KIFAP3: variants seen among roughly 807,000 people sequenced by gnomAD.
KIFAP3 encodes kinesin associated protein 3.
A neutral mutation model predicts 106.5 loss-of-function variants in KIFAP3; 68 were observed. The observed-to-expected ratio is 0.64, with a 90% CI of 0.53 to 0.78. The LOEUF (loss-of-function observed/expected upper bound fraction) is 0.78, where lower values mean the gene tolerates loss of function less well. Among genes scored for constraint, KIFAP3 ranks in the 30% least tolerant of loss-of-function variants. KIFAP3 has a pLI of 0.00. For missense variants in KIFAP3, 780 were observed against 941.8 expected, an observed-to-expected ratio of 0.83 and a Z score of 2.25; for synonymous variants, 320 against 311.5, an observed-to-expected ratio of 1.03 and a Z score of -0.29.
intron 1 of KIFAP3, among the ~76,000 whole-genome samples, chr1:170,066,987 T>C (rs891667902): frequency 1.3e-5 from 2 of 152,104 alleles, no homozygotes; most frequent in African/African-American, 4.8e-5. Flanking sequence ...CAAAGAATAG[T>C]CATCTTCAGA....
intron 19 of KIFAP3, among the ~76,000 whole-genome samples, chr1:169,931,397 A>G (rs966280188): frequency 2.0e-5 from 3 of 152,208 alleles, no homozygotes; most frequent in African/African-American, 7.2e-5. Flanking sequence ...TCTAATAGGT[A>G]CCTAATGGAA....
In KIFAP3 at chr1:170,055,411, C is replaced by T. The variant is rs746682678; in HGVS notation, c.58G>A (p.Val20Ile). 2.5e-6 allele frequency: 4 copies of T among 1,599,660 alleles called. No individual in the cohort carries two copies. The highest frequency in any genetic ancestry group is 3.4e-6 in the Non-Finnish European group (4 of 1,172,378). Residue 20 changes from valine (V) to isoleucine (I), a missense_variant, in exon 2 of 20, where the codon GTA (valine) becomes ATA (isoleucine). Transcript: ENST00000361580. ...ATGAGTGCTTTTTCTGATGGATGTA[C>T]ATCTATATTCCCTCCTTTAACTTTC... is the stretch of plus-strand genomic sequence containing the variant. ...KRKVKGGNID[V>I]HPSEKALIVH...
intron 8 of KIFAP3, among the ~76,000 whole-genome samples, chr1:170,024,971 C>T (rs10919283): frequency 0.96 from 146,552 of 152,170 alleles, 70,811 homozygotes; most frequent in East Asian, 1. Flanking sequence ...ATAGTTTTTA[C>T]ACATATAGAA....
At chr1:170,084,290 T>C (rs1672068400) in intron 1 of KIFAP3, among the ~76,000 whole-genome samples, 1 of 152,362 alleles carries the variant, frequency 6.6e-6, no homozygotes, top group African/African-American at 2.4e-5. Context: ...CTGTACTTTA[T>C]GTGCATTATT....
rs767240405 is a variant in KIFAP3, at chr1:170,046,717, C to T, written c.314G>A (p.Gly105Glu). ...YLQNRRDSLS[G>E]KEKKEKSSKP... ...CCAGGAATTCTACTACTTACCTTTT[C>T]CTGACAATGAATCACGGCGGTTCTG... is the stretch of plus-strand genomic sequence containing the variant. The change falls in exon 3 of 20, where the codon GGA becomes GAA. Residue 105 changes from glycine to glutamate, a missense_variant. Coordinates refer to ENST00000361580, the MANE Select transcript of KIFAP3 (RefSeq NM_014970.4). 1 of 1,538,762 alleles carries T rather than the reference C, an allele frequency of 6.5e-7. No individual in the cohort carries two copies. The highest frequency in any genetic ancestry group is 1.9e-5 in the Admixed American group (1 of 52,262).
chr1:170,020,723 A>T (rs1668768943), intron 9 of KIFAP3, among the ~76,000 whole-genome samples: 1 of 151,968 alleles, frequency 6.6e-6, no homozygotes, highest in South Asian at 2.1e-4. Context: ...GTGCAAAGGC[A>T]ATTTCAATAA....
chr1:169,930,406 TG>T (rs1250956328), intron 19 of KIFAP3, among the ~76,000 whole-genome samples: 3 of 152,210 alleles, frequency 2.0e-5, no homozygotes, highest in African/African-American at 7.2e-5. Context: ...TCTTTCATGA[TG>T]GTCCTTTTTA....
At chr1:169,943,837 G>A (rs1395611666) in intron 19 of KIFAP3, among the ~76,000 whole-genome samples, 1 of 152,038 alleles carries the variant, frequency 6.6e-6, no homozygotes, top group Non-Finnish European at 1.5e-5. Flanking sequence ...TAATTAACTT[G>A]CCAGACACAA....
intron 1 of KIFAP3, among the ~76,000 whole-genome samples, chr1:170,071,698 C>T (rs1671711392): frequency 6.6e-6 from 1 of 152,188 alleles, no homozygotes; most frequent in Admixed American, 6.5e-5. Flanking sequence ...CCAGCAAGAA[C>T]AGCACCAAGC....
At chr1:170,082,513 G>GTAT (rs1209791443) in intron 1 of KIFAP3, among the ~76,000 whole-genome samples, 1 of 152,066 alleles carries the variant, frequency 6.6e-6, no homozygotes, top group Non-Finnish European at 1.5e-5. Context: ...TCATCAAGCT[G>GTAT]TATACTTGCA....
intron 15 of KIFAP3, among the ~76,000 whole-genome samples, chr1:169,980,161 G>A (rs1386085053): frequency 6.6e-6 from 1 of 152,052 alleles, no homozygotes; most frequent in Non-Finnish European, 1.5e-5. Flanking sequence ...TACTGGTAAT[G>A]CTTTATTTTC....
At chr1:169,949,118 A>G (rs765488930) in intron 19 of KIFAP3, among the ~76,000 whole-genome samples, 1 of 151,898 alleles carries the variant, frequency 6.6e-6, no homozygotes, top group Non-Finnish European at 1.5e-5. Flanking sequence ...TAAAAGTACA[A>G]CTAATATCCA....
At chr1:169,936,589 G>A (rs1489576204) in intron 19 of KIFAP3, among the ~76,000 whole-genome samples, 1 of 151,666 alleles carries the variant, frequency 6.6e-6, no homozygotes, top group African/African-American at 2.4e-5. Flanking sequence ...GTACTGCTTA[G>A]CTTAGAGTGC....
At chr1:170,060,499 A>G (rs189001642) in intron 1 of KIFAP3, among the ~76,000 whole-genome samples, 58 of 152,342 alleles carry the variant, frequency 3.8e-4, no homozygotes, top group East Asian at 5.8e-4. Flanking sequence ...CCACTGCTCA[A>G]CGAAATAAAA....
chr1:170,070,224 T>A (rs1308482607), intron 1 of KIFAP3, among the ~76,000 whole-genome samples: 1 of 152,118 alleles, frequency 6.6e-6, no homozygotes. Context: ...GATGGCAATA[T>A]TCCCCAAAGT....
chr1:170,025,221 A>C (rs1669044462), intron 8 of KIFAP3, among the ~76,000 whole-genome samples: 1 of 152,142 alleles, frequency 6.6e-6, no homozygotes, highest in East Asian at 1.9e-4. Flanking sequence ...AATTTCTTTC[A>C]GATTTGTGTA....
upstream of KIFAP3, among the ~76,000 whole-genome samples, chr1:170,078,411 A>C (rs1388302040): frequency 6.6e-6 from 1 of 152,198 alleles, no homozygotes; most frequent in Non-Finnish European, 1.5e-5. Context: ...CCAGACTGAT[A>C]AACTGAGCAC....
At chr1:170,015,821 C>T (rs1668478215) in intron 10 of KIFAP3, among the ~76,000 whole-genome samples, 1 of 152,140 alleles carries the variant, frequency 6.6e-6, no homozygotes, top group Non-Finnish European at 1.5e-5. Flanking sequence ...GTTGACTGCA[C>T]AATGTTAACT....
intron 9 of KIFAP3, among the ~76,000 whole-genome samples, chr1:170,022,314 G>A (rs948306613): frequency 6.6e-6 from 1 of 151,956 alleles, no homozygotes; most frequent in East Asian, 1.9e-4. Context: ...AATGTAAAGT[G>A]AGGTTTTACC....
Sources: allele counts gnomAD v4.1 joint callset (sites outside exome capture counted in the v4.1 genomes callset), GRCh38; gene constraint gnomAD v4.1.1; transcripts MANE v1.5; gene names NCBI Gene and HGNC (gene_info 2026-07-23, HGNC 2026-07-21).